GNAQ: variants seen among roughly 807,000 people sequenced by gnomAD.
The protein encoded by GNAQ is guanine nucleotide-binding protein G(q) subunit alpha.
A neutral mutation model predicts 43.9 loss-of-function variants in GNAQ; 8 were observed. The observed-to-expected ratio is 0.18, with a 90% CI of 0.11 to 0.33. GNAQ has a LOEUF of 0.33. GNAQ is among the 10% of genes least tolerant of loss of function. The probability of loss-of-function intolerance (pLI) is 1.00; values close to 1 mark genes in which losing one functional copy is unlikely to be tolerated. For missense variants in GNAQ, 158 were observed against 450.8 expected (o/e 0.35, Z 5.88); for synonymous variants, 155 against 170.7 (o/e 0.91, Z 0.71).
chr9:77,820,191 T>A (rs1001257568), intron 2 of GNAQ, among the ~76,000 whole-genome samples: 45 of 152,158 alleles, frequency 3.0e-4, no homozygotes, highest in African/African-American at 1.0e-3. Context: ...AAGCCTAAAT[T>A]TGCTCAAATG....
intron 1 of GNAQ, among the ~76,000 whole-genome samples, chr9:77,989,612 TG>T (rs1408344160): frequency 6.6e-6 from 1 of 152,218 alleles, no homozygotes; most frequent in Admixed American, 6.5e-5. Flanking sequence ...GGAAGCCCTG[TG>T]GCGGGCTTGC....
intron 2 of GNAQ, among the ~76,000 whole-genome samples, chr9:77,840,358 T>TTG (rs1554719866): frequency 1.3e-5 from 2 of 151,308 alleles, no homozygotes; most frequent in Admixed American, 1.3e-4. Context: ...TTTTTGTTTT[T>TTG]TTTTTTTTTT....
intron 3 of GNAQ, among the ~76,000 whole-genome samples, chr9:77,798,269 A>G (rs1166340344): frequency 6.6e-6 from 1 of 152,188 alleles, no homozygotes; most frequent in Non-Finnish European, 1.5e-5. Flanking sequence ...CCTTAACTTT[A>G]TATTTATCTA....
intron 1 of GNAQ, among the ~76,000 whole-genome samples, chr9:78,027,449 T>C (rs1564182826): frequency 1.3e-5 from 2 of 152,194 alleles, no homozygotes; most frequent in Admixed American, 1.3e-4. Flanking sequence ...TACTCTCATA[T>C]GTTTGCAGTG....
At chr9:77,749,887 G>C (rs1317106004) in intron 5 of GNAQ, among the ~76,000 whole-genome samples, 1 of 152,090 alleles carries the variant, frequency 6.6e-6, no homozygotes, top group Non-Finnish European at 1.5e-5. Context: ...AATGGGTTTT[G>C]ATGTGATGAA....
chr9:77,721,600 T>C (rs974407780), intron 6 of GNAQ, 87 bp from the exon 7 acceptor site: 3 of 806,790 alleles, frequency 3.7e-6, no homozygotes, highest in Non-Finnish European at 4.1e-6. Flanking sequence ...ACTGTGTCAT[T>C]GCTCATGAAG....
chr9:77,903,877 T>C (rs1459179609), intron 2 of GNAQ, among the ~76,000 whole-genome samples: 1 of 152,190 alleles, frequency 6.6e-6, no homozygotes, highest in Non-Finnish European at 1.5e-5. Context: ...CCCGTGCCTG[T>C]TTCCTCATAC....
At chr9:77,803,022 C>T (rs944151360) in intron 3 of GNAQ, among the ~76,000 whole-genome samples, 2 of 151,958 alleles carry the variant, frequency 1.3e-5, no homozygotes, top group African/African-American at 4.8e-5. Context: ...CCCACAAGTG[C>T]CTTTGTCCAC....
intron 6 of GNAQ, among the ~76,000 whole-genome samples, chr9:77,725,788 T>C (rs1008139956): frequency 3.9e-5 from 6 of 151,912 alleles, no homozygotes; most frequent in Non-Finnish European, 7.4e-5. Context: ...TGCGGAAAAA[T>C]CAGCAACTGT....
chr9:77,773,578 C>G (rs530796309), intron 5 of GNAQ, among the ~76,000 whole-genome samples: 2 of 152,338 alleles, frequency 1.3e-5, no homozygotes, highest in East Asian at 3.9e-4. Context: ...TTCTATTTCC[C>G]TGTTGTCTCT....
chr9:78,028,068 TA>T (rs1824004178), intron 1 of GNAQ, among the ~76,000 whole-genome samples: 1 of 152,266 alleles, frequency 6.6e-6, no homozygotes, highest in African/African-American at 2.4e-5. Context: ...TCATGAAAAT[TA>T]ATCAATTAAA....
At chr9:77,842,757 A>G (rs1827512308) in intron 2 of GNAQ, among the ~76,000 whole-genome samples, 1 of 152,100 alleles carries the variant, frequency 6.6e-6, no homozygotes, top group Non-Finnish European at 1.5e-5. Context: ...CCAAGCTGAG[A>G]TGGCTTCGGA....
chr9:77,723,325 T>C (rs1825347943), intron 6 of GNAQ, among the ~76,000 whole-genome samples: 1 of 152,166 alleles, frequency 6.6e-6, no homozygotes, highest in South Asian at 2.1e-4. Context: ...TGAAAACAGT[T>C]TGGTGGTTCC....
At position 77,737,524 on chromosome 9, in the gene GNAQ, C is replaced by CT. The variant is rs202187408; in HGVS notation, c.736-8858dup. ...CCACAAGCTATTGGAAAAGACATTCCTTTTTTTTGCATAATTAGGATACAG... is the reference window on the plus strand; with the variant it reads ...CCACAAGCTATTGGAAAAGACATTCCTTTTTTTTTGCATAATTAGGATACAG... On this transcript the variant is annotated intron_variant, in intron 5 of 6. Coordinates refer to ENST00000286548, the MANE Select transcript of GNAQ (RefSeq NM_002072.5). 4.9e-3 allele frequency among the ~76,000 whole-genome samples: 748 copies of CT among 152,022 alleles called. 6 individuals carry two copies. The highest frequency in any genetic ancestry group is 0.016 in the African/African-American group (677 of 41,450).
chr9:77,776,589 G>A (rs1564107610), intron 5 of GNAQ, among the ~76,000 whole-genome samples: 1 of 152,142 alleles, frequency 6.6e-6, no homozygotes, highest in Non-Finnish European at 1.5e-5. Flanking sequence ...CAAAACACAT[G>A]AAGCAAAAAT....
At chr9:77,920,593 G>A (rs991576159) in intron 2 of GNAQ, among the ~76,000 whole-genome samples, 1 of 152,124 alleles carries the variant, frequency 6.6e-6, no homozygotes, top group African/African-American at 2.4e-5. Context: ...CTTGGGGCAG[G>A]GAGAACCCTG....
chr9:77,883,644 C>T (rs4745673), intron 2 of GNAQ, among the ~76,000 whole-genome samples: 67,476 of 150,538 alleles, frequency 0.45, 17,278 homozygotes, highest in Non-Finnish European at 0.57. Context: ...CTTGCCCCCG[C>T]CCCCACTCTC....
intron 1 of GNAQ, among the ~76,000 whole-genome samples, chr9:77,979,784 GC>G (rs1401656849): frequency 9.8e-5 from 15 of 152,300 alleles, no homozygotes; most frequent in African/African-American, 3.1e-4. Context: ...GGCTTACTTA[GC>G]ATGTTCAGTT....
At chr9:77,951,827 A>T (rs1822981915) in intron 1 of GNAQ, among the ~76,000 whole-genome samples, 1 of 152,220 alleles carries the variant, frequency 6.6e-6, no homozygotes, top group African/African-American at 2.4e-5. Flanking sequence ...CTCAAAGCTC[A>T]CATTTCAAAT....
Sources: allele counts gnomAD v4.1 joint callset (sites outside exome capture counted in the v4.1 genomes callset), GRCh38; gene constraint gnomAD v4.1.1; transcripts MANE v1.5; gene names NCBI Gene and HGNC (gene_info 2026-07-23, HGNC 2026-07-21).